ABCC6: variants seen among roughly 807,000 people sequenced by gnomAD.
The protein encoded by ABCC6 is ATP binding cassette subfamily C member 6.
In ABCC6, 126 loss-of-function variants were observed where a neutral mutation model predicts 169.5. The ratio of observed to expected loss-of-function variants is 0.74; its 90% CI spans 0.64 to 0.86. The LOEUF (loss-of-function observed/expected upper bound fraction) is 0.86, where lower values mean the gene tolerates loss of function less well. ABCC6 is among the 40% of genes least tolerant of loss of function. The pLI, the probability that ABCC6 is intolerant of heterozygous loss-of-function variation, is 0.00. For synonymous variants in ABCC6, 752 were observed against 814.7 expected, an observed-to-expected ratio of 0.92 and a Z score of 1.31; for missense variants, 1,733 against 1,927.2, an observed-to-expected ratio of 0.90 and a Z score of 1.89.
intron 5 of ABCC6, among the ~76,000 whole-genome samples, chr16:16,213,988 C>A (rs1298195556): frequency 6.7e-6 from 1 of 148,622 alleles, no homozygotes; most frequent in African/African-American, 2.5e-5. Context: ...TAGGGCATAG[C>A]GGGGTTTGGC....
rs1328368797 is a variant in ABCC6 at position 16,196,859 on chromosome 16, GC to G, written c.1338+1161del. 9.9e-5 allele frequency among the ~76,000 whole-genome samples: 15 copies of G among 152,154 alleles called. No homozygotes were observed. The South Asian group carries it at 1.2e-3, about 13-fold the overall frequency. On this transcript the variant is annotated intron_variant, in intron 10 of 30. Coordinates refer to ENST00000205557, the MANE Select transcript of ABCC6 (RefSeq NM_001171.6). ...TGGGGTTATAGGCACCCACCACTAT[GC>G]CCGGCTAATTTTTGTATCTTTCAGT...
intron 18 of ABCC6, among the ~76,000 whole-genome samples, chr16:16,177,829 GCTA>G (rs2047333156): frequency 6.6e-6 from 1 of 152,062 alleles, no homozygotes; most frequent in Non-Finnish European, 1.5e-5. Flanking sequence ...TGTAGTCTCA[GCTA>G]CTTTGGAGGC....
In ABCC6 at chr16:16,173,379, C is replaced by T. The variant is rs778911783; in HGVS notation, c.2692G>A (p.Asp898Asn). Residue 898 changes from aspartate to asparagine, a missense_variant, in exon 21 of 31, where the codon GAC (aspartate) becomes AAC (asparagine). Coordinates refer to ENST00000205557, the MANE Select transcript of ABCC6 (RefSeq NM_001171.6). The stretch of plus-strand genomic sequence containing the variant: ...GTCTGGGCTTCTGAAGTGGTACGGT[C>T]CTTCTCAGGGACTGACTTGATGGAC... ...ERSIKSVPEK[D>N]RTTSEAQTEV... 6.2e-7 allele frequency: 1 copy of T among 1,614,044 alleles called. No individual in the cohort carries two copies. Among genetic ancestry groups the T allele is most frequent in the Non-Finnish European group, 8.5e-7 (1 of 1,180,014 alleles).
At chr16:16,208,476 G>A (rs1269581472) in intron 7 of ABCC6, among the ~76,000 whole-genome samples, 3 of 151,852 alleles carry the variant, frequency 2.0e-5, no homozygotes, top group Admixed American at 2.0e-4. Context: ...GGGTTCAAAC[G>A]ATTCTCCTGC....
intron 20 of ABCC6, 138 bp from the exon 21 acceptor site, chr16:16,173,542 G>T: frequency 9.2e-7 from 1 of 1,086,498 alleles, no homozygotes; most frequent in Non-Finnish European, 1.4e-6. Flanking sequence ...TTATCTAACA[G>T]AATACTGACC....
chr16:16,149,993 C>T lies in ABCC6; in HGVS notation c.*140G>A. On this transcript the variant is annotated 3_prime_UTR_variant, in exon 31 of 31. Coordinates refer to ENST00000205557, the MANE Select transcript of ABCC6 (RefSeq NM_001171.6). ...GCTCTGTGATAATTGGCCACTTTCT[C>T]TGCCATTTTCCTCCCAGAGAGCAAA... is the stretch of plus-strand genomic sequence containing the variant. 7.5e-7 allele frequency: 1 copy of T among 1,332,394 alleles called. No homozygotes were observed. The highest frequency in any genetic ancestry group is 1.0e-6 in the Non-Finnish European group (1 of 952,398). The allele number at this position is 1,332,394 out of a possible 1,614,324, so 82.5% of individuals were successfully genotyped here. A position where few individuals can be genotyped will look rare whatever the true frequency, so the allele number is the denominator to read the frequency against.
chr16:16,213,512 C>G (rs1163244775), intron 5 of ABCC6, among the ~76,000 whole-genome samples: 1 of 150,976 alleles, frequency 6.6e-6, no homozygotes, highest in Non-Finnish European at 1.5e-5. Context: ...CTCTCATGAG[C>G]TTCTTCTATG....
intron 2 of ABCC6, 33 bp from the exon 3 acceptor site, chr16:16,219,980 C>T: frequency 6.6e-7 from 1 of 1,526,236 alleles, no homozygotes; most frequent in Non-Finnish European, 8.9e-7. Context: ...GCTTGGGGGG[C>T]AATAAGAGAG....
rs1311228469 is a variant in ABCC6 at position 16,157,755 on chromosome 16, G to A, written c.3790C>T (p.Gln1264Ter). The change falls in exon 27 of 31, where the codon CAG becomes TAG. Residue 1264 changes from glutamine to a stop codon, truncating the protein, a stop_gained. Transcript: ENST00000205557. LOFTEE classifies it high-confidence loss of function. ...AGCCCAAAGTCCCGGAACTCGATCT[G>A]CCCGCCCTGAGGCCAGGGGGGCTGA... ...AAQPPWPQGG[Q>*]IEFRDFGLRY... 2 of 1,613,688 alleles carry A rather than the reference G, an allele frequency of 1.2e-6. No homozygotes were observed. The highest frequency in any genetic ancestry group is 1.7e-6 in the Non-Finnish European group (2 of 1,179,980).
chr16:16,167,902 T>C (rs1251771570), intron 22 of ABCC6, among the ~76,000 whole-genome samples: 4 of 152,220 alleles, frequency 2.6e-5, no homozygotes, highest in Non-Finnish European at 5.9e-5. Flanking sequence ...TGGAAGGATT[T>C]TGAAAGGGCT....
rs777474704 is a variant in ABCC6 at position 16,182,427 on chromosome 16, A to C, written c.2232T>G (p.Thr744=). ...AAACTCTCACCTGCTCCCCAATTGAAGTGTGGATTCCCTCAGGGAAGCTGT... is the reference window on the plus strand; with the variant it reads ...AAACTCTCACCTGCTCCCCAATTGACGTGTGGATTCCCTCAGGGAAGCTGT... ...DVDSFPEGIH[T]SIGEQGMNLS... is the part of the protein sequence containing the mutation. The change falls in exon 17 of 31, where the codon ACT becomes ACG. Residue 744 remains threonine (T), a synonymous_variant. Coordinates refer to ENST00000205557, the MANE Select transcript of ABCC6 (RefSeq NM_001171.6). The C allele has an allele frequency of 6.2e-7, 1 of 1,613,794 alleles. No homozygotes were observed. Among genetic ancestry groups the C allele is most frequent in the African/African-American group, 1.3e-5 (1 of 74,870 alleles).
chr16:16,161,580 A>G lies in ABCC6; in HGVS notation c.3507-16T>C, dbSNP rs3213471. ...CGCAAGCCACCTGCAAAGGGAAGCG[A>G]CAGCAGGGTGAGTGGTTACTCTCAT... On this transcript the variant is annotated splice_polypyrimidine_tract_variant and intron_variant, in intron 24 of 30. Coordinates refer to ENST00000205557, the MANE Select transcript of ABCC6 (RefSeq NM_001171.6). 0.019 allele frequency: 30,561 copies of G among 1,613,748 alleles called. 1,062 individuals are homozygous for G. Among genetic ancestry groups the G allele is most frequent in the African/African-American group, 0.13 (10,094 of 74,990 alleles).
chr16:16,150,313 T>G, intron 30 of ABCC6, 72 bp from the exon 31 acceptor site: 1 of 1,604,226 alleles, frequency 6.2e-7, no homozygotes, highest in Non-Finnish European at 8.5e-7. Context: ...GAGAGCCCAG[T>G]GTGTCTGCGC....
intron 1 of ABCC6, chr16:16,222,939 G>T (rs1352198957): frequency 4.6e-6 from 1 of 219,282 alleles, no homozygotes; most frequent in Non-Finnish European, 9.4e-6. Context: ...ATGGCACAAG[G>T]TTGGGCACAA....
At chr16:16,155,213 TC>T (rs2152212764) in intron 27 of ABCC6, 182 bp from the exon 28 acceptor site, 1 of 690,666 alleles carries the variant, frequency 1.4e-6, no homozygotes, top group African/African-American at 1.8e-5. Context: ...CATCCAGTCT[TC>T]CATCTGTGTT....
chr16:16,184,818 G>T (rs183903877), intron 15 of ABCC6, 141 bp downstream of exon 15: 4 of 884,550 alleles, frequency 4.5e-6, no homozygotes, highest in Admixed American at 1.9e-5. Flanking sequence ...GAACCTCCCC[G>T]GCAGAGCCCC....
chr16:16,203,167 G>T (rs1596717777), intron 8 of ABCC6, among the ~76,000 whole-genome samples: 1 of 152,188 alleles, frequency 6.6e-6, no homozygotes, highest in Non-Finnish European at 1.5e-5. Flanking sequence ...ACTCACTTTT[G>T]GGGCATTTTA....
intron 10 of ABCC6, among the ~76,000 whole-genome samples, chr16:16,193,467 C>T (rs1323065211): frequency 2.0e-5 from 3 of 152,134 alleles, no homozygotes; most frequent in Admixed American, 6.5e-5. Flanking sequence ...AATACCAGCA[C>T]TTTGGGAGGC....
intron 25 of ABCC6, among the ~76,000 whole-genome samples, chr16:16,161,086 AAGAG>A (rs1450553752): frequency 6.6e-6 from 1 of 152,192 alleles, no homozygotes; most frequent in African/African-American, 2.4e-5. Flanking sequence ...GCCTGAGTAA[AAGAG>A]AGAGACTCTG....
Sources: allele counts gnomAD v4.1 joint callset (sites outside exome capture counted in the v4.1 genomes callset), GRCh38; gene constraint gnomAD v4.1.1; transcripts MANE v1.5; gene names NCBI Gene and HGNC (gene_info 2026-07-23, HGNC 2026-07-21).